DOCK1: variants seen among roughly 807,000 people sequenced by gnomAD.
DOCK1 encodes the protein dedicator of cytokinesis protein 1.
DOCK1 carries 138 observed loss-of-function variants against 262.7 expected under a neutral mutation model. That is an observed-to-expected ratio of 0.53 (90% confidence interval 0.46 to 0.61). DOCK1 has a LOEUF of 0.61. Ranked by LOEUF, DOCK1 falls within the 20% of genes least tolerant of loss-of-function variation. DOCK1 has a pLI of 0.00. For synonymous variants in DOCK1, 866 were observed against 867.4 expected, an observed-to-expected ratio of 1.00 and a Z score of 0.03; for missense variants, 1,908 against 2,370.7, an observed-to-expected ratio of 0.80 and a Z score of 4.05.
chr10:127,061,622 T>G, intron 22 of DOCK1, 46 bp from the exon 23 acceptor site: 7 of 1,503,052 alleles, frequency 4.7e-6, no homozygotes, highest in Non-Finnish European at 6.4e-6. Context: ...CAAAAAATGT[T>G]GAGGTGTTTC....
intron 1 of DOCK1, among the ~76,000 whole-genome samples, chr10:126,947,177 T>C (rs2035485370): frequency 1.3e-5 from 2 of 152,166 alleles, no homozygotes; most frequent in Admixed American, 6.5e-5. Flanking sequence ...ATGGTGTTTC[T>C]GGTCTTTCTC....
At chr10:127,325,428 C>G (rs1463317604) in intron 29 of DOCK1, among the ~76,000 whole-genome samples, 3 of 152,150 alleles carry the variant, frequency 2.0e-5, no homozygotes, top group Admixed American at 2.0e-4. Context: ...TAATGGTTAC[C>G]ACCTAGGAGG....
At chr10:126,915,434 G>T (rs376262058) in intron 1 of DOCK1, among the ~76,000 whole-genome samples, 3,687 of 149,742 alleles carry the variant, frequency 0.025, 135 homozygotes, top group African/African-American at 0.083. Context: ...TGGGGGCGGG[G>T]GGGGGATGGA....
At chr10:126,931,247 AG>A (rs1171743279) in intron 1 of DOCK1, among the ~76,000 whole-genome samples, 1 of 152,128 alleles carries the variant, frequency 6.6e-6, no homozygotes, top group Non-Finnish European at 1.5e-5. Context: ...GATAGAAGCC[AG>A]GGGGAGAAGT....
intron 29 of DOCK1, among the ~76,000 whole-genome samples, chr10:127,285,125 G>A (rs1191709137): frequency 1.3e-5 from 2 of 152,158 alleles, no homozygotes; most frequent in African/African-American, 2.4e-5. Context: ...GCGACAGAGT[G>A]AGAACCTGTC....
intron 27 of DOCK1, among the ~76,000 whole-genome samples, chr10:127,165,565 T>C (rs2053999337): frequency 6.6e-6 from 1 of 152,220 alleles, no homozygotes; most frequent in Non-Finnish European, 1.5e-5. Context: ...CTTTCCAGCC[T>C]ATCTTTAAGG....
intron 29 of DOCK1, among the ~76,000 whole-genome samples, chr10:127,292,800 C>A (rs529197372): frequency 2.0e-5 from 3 of 152,164 alleles, no homozygotes; most frequent in Non-Finnish European, 4.4e-5. Context: ...ATGTTTTGTG[C>A]TTCCCGAGGA....
intron 38 of DOCK1, among the ~76,000 whole-genome samples, chr10:127,391,240 T>A (rs943210): frequency 6.6e-6 from 1 of 152,012 alleles, no homozygotes; most frequent in Non-Finnish European, 1.5e-5. Flanking sequence ...GTGACTCAAT[T>A]TCATTTCTGT....
intron 25 of DOCK1, among the ~76,000 whole-genome samples, chr10:127,123,060 T>C (rs2049711665): frequency 6.6e-6 from 1 of 152,182 alleles, no homozygotes; most frequent in African/African-American, 2.4e-5. Context: ...GTTCCTCTGA[T>C]TTTCTGGAAT....
intron 1 of DOCK1, among the ~76,000 whole-genome samples, chr10:126,948,770 C>T (rs2035870436): frequency 6.6e-6 from 1 of 152,066 alleles, no homozygotes; most frequent in African/African-American, 2.4e-5. Flanking sequence ...TCCCTGGAAT[C>T]ATTGTGAGCT....
intron 1 of DOCK1, among the ~76,000 whole-genome samples, chr10:126,921,058 G>C (rs773303782): frequency 6.6e-6 from 1 of 152,180 alleles, no homozygotes; most frequent in East Asian, 1.9e-4. Context: ...CAATTAGTTG[G>C]GCGTGGTGGT....
At chr10:127,280,354 A>T (rs1308370113) in intron 29 of DOCK1, among the ~76,000 whole-genome samples, 1 of 152,122 alleles carries the variant, frequency 6.6e-6, no homozygotes, top group African/African-American at 2.4e-5. Flanking sequence ...TTTATGTTGT[A>T]AAAAGGGGAA....
At position 127,100,091 on chromosome 10, in the gene DOCK1, A is replaced by T. The variant is rs1384087474; in HGVS notation, c.2446-6140A>T. 6.6e-6 allele frequency among the ~76,000 whole-genome samples: 1 copy of T among 152,080 alleles called. No homozygotes were observed. The highest frequency in any genetic ancestry group is 1.5e-5 in the Non-Finnish European group (1 of 68,014). On this transcript the variant is annotated intron_variant, in intron 23 of 51. Transcript: ENST00000623213. The surrounding 1 kb of genome is among the most constrained non-coding windows in gnomAD (Gnocchi z 5.5). ...GCCCATGGCCCTCCATGGGTGTGGG[A>T]TAGGTTCCCTGTGTCCCATGAGCAG... is the stretch of plus-strand genomic sequence containing the variant.
rs1050658105 is a variant in DOCK1, at chr10:127,163,528, A to ATGAATGAATGAG, written c.2847+35777_2847+35788dup. On this transcript the variant is annotated intron_variant, in intron 27 of 51. Transcript: ENST00000623213. ...TATCTTTTGAATAATGCTTGAGTGA[A>ATGAATGAATGAG]TGAATGAATGAGTGAATGAATGAGG... 2.0e-5 allele frequency among the ~76,000 whole-genome samples: 3 copies of ATGAATGAATGAG among 152,262 alleles called. No individual in the cohort carries two copies. The South Asian group carries it at 6.2e-4, about 32-fold the overall frequency.
intron 29 of DOCK1, among the ~76,000 whole-genome samples, chr10:127,330,692 C>T (rs971927559): frequency 6.6e-6 from 1 of 152,192 alleles, no homozygotes; most frequent in African/African-American, 2.4e-5. Context: ...GGAAGCGTAG[C>T]CTCCAGCTTC....
At chr10:126,957,377 C>T (rs1435157648) in intron 1 of DOCK1, among the ~76,000 whole-genome samples, 1 of 152,134 alleles carries the variant, frequency 6.6e-6, no homozygotes, top group African/African-American at 2.4e-5. Context: ...GCAACTTCTC[C>T]AAAAGTGCAA....
intron 26 of DOCK1, among the ~76,000 whole-genome samples, chr10:127,126,537 C>G (rs568209291): frequency 6.6e-6 from 1 of 152,158 alleles, no homozygotes; most frequent in South Asian, 2.1e-4. Flanking sequence ...TTAAGACCAG[C>G]CTGGGCAACA....
intron 23 of DOCK1, among the ~76,000 whole-genome samples, chr10:127,062,012 C>T (rs191947303): frequency 6.2e-5 from 9 of 144,180 alleles, no homozygotes; most frequent in Admixed American, 5.0e-4. Flanking sequence ...TCTCAGCTCA[C>T]TGCAACCTCT....
chr10:127,174,310 A>G (rs1346637928), intron 27 of DOCK1, among the ~76,000 whole-genome samples: 2 of 152,162 alleles, frequency 1.3e-5, no homozygotes, highest in Non-Finnish European at 2.9e-5. Context: ...GGCAATGGGC[A>G]AGAGAGGTCT....
Sources: allele counts gnomAD v4.1 joint callset (sites outside exome capture counted in the v4.1 genomes callset), GRCh38; gene constraint gnomAD v4.1.1; non-coding constraint Gnocchi (gnomAD v3.1); transcripts MANE v1.5; gene names NCBI Gene and HGNC (gene_info 2026-07-23, HGNC 2026-07-21).